The following DOCK10 variants were observed in gnomAD, a reference collection of about 807,000 sequenced individuals.
DOCK10 encodes the protein dedicator of cytokinesis 10, also known as dedicator of cytokinesis protein 10.
DOCK10 carries 145 observed loss-of-function variants against 280.1 expected under a neutral mutation model. The ratio of observed to expected loss-of-function variants is 0.52; its 90% CI spans 0.45 to 0.59. The LOEUF (loss-of-function observed/expected upper bound fraction) is 0.59, where lower values mean the gene tolerates loss of function less well. Ranked by LOEUF, DOCK10 falls within the 20% of genes least tolerant of loss-of-function variation. The pLI is 0.00. For synonymous variants in DOCK10, 915 were observed against 942.2 expected, an observed-to-expected ratio of 0.97 and a Z score of 0.53; for missense variants, 2,368 against 2,651.7, an observed-to-expected ratio of 0.89 and a Z score of 2.35.
chr2:225,042,460 T>C lies in DOCK10; in HGVS notation c.-86A>G. The C allele has an allele frequency of 8.2e-7, 1 of 1,217,022 alleles. No individual in the cohort carries two copies. Among genetic ancestry groups the C allele is most frequent in the Non-Finnish European group, 1.0e-6 (1 of 976,280 alleles). 75.4% of individuals were successfully genotyped at this position (1,217,022 alleles called of 1,614,324 possible). On this transcript the variant is annotated 5_prime_UTR_variant, in exon 1 of 56. Transcript: ENST00000258390. This position sits in a 1 kb window ranked among gnomAD's most constrained non-coding sequence, Gnocchi z 5.1. ...CCAACCTTCTCTATCCACCCGCCGT[T>C]CAGGAAGCGGAACTCGGAGCCTTCC...
At position 224,804,664 on chromosome 2, in the gene DOCK10, G is replaced by A. The variant is rs966032444; in HGVS notation, c.4166+130C>T. ...TCAAACTTACTGTGTCTAATGTGAC[G>A]TCAACCTAACAATCCTTATTTGCAT... On this transcript the variant is annotated intron_variant, in intron 38 of 55. Coordinates refer to ENST00000258390, the MANE Select transcript of DOCK10 (RefSeq NM_014689.3). 2.3e-5 allele frequency: 15 copies of A among 653,428 alleles called. No individual in the cohort carries two copies. In the Middle Eastern group the frequency reaches 7.6e-4, roughly 33 times the overall value. The allele number at this position is 653,428 out of a possible 1,614,324, so 40.5% of individuals were successfully genotyped here.
intron 11 of DOCK10, among the ~76,000 whole-genome samples, chr2:224,865,580 C>T (rs149517491): frequency 7.2e-5 from 11 of 152,124 alleles, no homozygotes; most frequent in Admixed American, 5.2e-4. Flanking sequence ...ACATTAGTGT[C>T]GCAGATACAT....
At chr2:225,004,684 G>A (rs891663529) in intron 1 of DOCK10, among the ~76,000 whole-genome samples, 2 of 152,168 alleles carry the variant, frequency 1.3e-5, no homozygotes, top group Admixed American at 6.5e-5. Flanking sequence ...GCCACATGTC[G>A]GCTTAATAAT....
chr2:225,035,542 TTATATATATATATATATATATATATA>T (rs57424275), intron 1 of DOCK10, among the ~76,000 whole-genome samples: 9 of 50,016 alleles, frequency 1.8e-4, no homozygotes, highest in Middle Eastern at 0.012. Context: ...ATGATATATA[TTATATATATATATATATATATATATA>T]TATATATATA....
chr2:224,978,399 C>T (rs1705557687), intron 1 of DOCK10, among the ~76,000 whole-genome samples: 1 of 152,050 alleles, frequency 6.6e-6, no homozygotes. Flanking sequence ...CACCAACACA[C>T]TCCAGCCTGG....
chr2:224,921,112 A>AAAAAAAAATATATATATATATATAT, intron 2 of DOCK10, among the ~76,000 whole-genome samples: 12 of 54,388 alleles, frequency 2.2e-4, no homozygotes, highest in Non-Finnish European at 3.0e-4. Context: ...AAAAAAAAAA[A>AAAAAAAAATATATATATATATATAT]ATATATATAT....
intron 1 of DOCK10, among the ~76,000 whole-genome samples, chr2:224,960,156 T>C (rs1704279912): frequency 6.6e-6 from 1 of 152,210 alleles, no homozygotes; most frequent in Non-Finnish European, 1.5e-5. Flanking sequence ...GTGTCTTGAA[T>C]GCTGCACATT....
chr2:224,915,882 A>G (rs1575051001), intron 3 of DOCK10, among the ~76,000 whole-genome samples: 2 of 152,356 alleles, frequency 1.3e-5, no homozygotes, highest in African/African-American at 4.8e-5. Flanking sequence ...CCTCTTATAC[A>G]CCAATAAAAT....
chr2:225,019,974 C>CTA (rs1178939926), intron 1 of DOCK10, among the ~76,000 whole-genome samples: 4 of 152,164 alleles, frequency 2.6e-5, no homozygotes, highest in Non-Finnish European at 5.9e-5. Flanking sequence ...TATTTGTGAT[C>CTA]TATATGTTGT....
chr2:224,861,274 G>A (rs1265831064), intron 14 of DOCK10: 3 of 152,132 alleles, frequency 2.0e-5, no homozygotes, highest in South Asian at 2.1e-4. Context: ...TCTATTTTAC[G>A]CCAAATGCTT....
At chr2:224,882,025 G>A (rs1228342194) in intron 7 of DOCK10, among the ~76,000 whole-genome samples, 2 of 152,164 alleles carry the variant, frequency 1.3e-5, no homozygotes, top group Non-Finnish European at 2.9e-5. Flanking sequence ...ATATCCACAT[G>A]GTGGCAGACT....
At chr2:224,841,016 A>G (rs1695926180) in intron 23 of DOCK10, among the ~76,000 whole-genome samples, 1 of 152,220 alleles carries the variant, frequency 6.6e-6, no homozygotes, top group Admixed American at 6.5e-5. Context: ...GCACAGAAAG[A>G]CAAATACCGC....
chr2:224,952,554 T>C (rs966582637), intron 1 of DOCK10, among the ~76,000 whole-genome samples: 8 of 151,978 alleles, frequency 5.3e-5, no homozygotes, highest in Non-Finnish European at 8.8e-5. Flanking sequence ...AAAGTCAATA[T>C]ACTATGTGAA....
At chr2:224,950,730 A>C (rs1703683510) in intron 1 of DOCK10, among the ~76,000 whole-genome samples, 1 of 152,246 alleles carries the variant, frequency 6.6e-6, no homozygotes, top group Non-Finnish European at 1.5e-5. Context: ...GAACTTAAGA[A>C]AAAGTTAGGA....
chr2:225,014,677 G>A (rs1050693423), intron 1 of DOCK10, among the ~76,000 whole-genome samples: 8 of 151,528 alleles, frequency 5.3e-5, no homozygotes, highest in Non-Finnish European at 7.4e-5. Context: ...TTATTTCTCC[G>A]CTTAGTTTTA....
At position 224,856,978 on chromosome 2, in the gene DOCK10, C is replaced by T; in HGVS notation, c.1690G>A (p.Val564Ile). ...RMPFAWAVRS[V>I]FKDNQGNVDR... ...ACATTTCCCTGGTTGTCCTTAAATACTGATCTAAAAGAAAATATTTATTCA... is the reference window on the plus strand; with the variant it reads ...ACATTTCCCTGGTTGTCCTTAAATATTGATCTAAAAGAAAATATTTATTCA... Residue 564 changes from valine to isoleucine, a missense_variant, in exon 15 of 56, where the codon GTA becomes ATA. Coordinates refer to ENST00000258390, the MANE Select transcript of DOCK10 (RefSeq NM_014689.3). The T allele has an allele frequency of 6.2e-7, 1 of 1,605,244 alleles. No individual in the cohort carries two copies. The highest frequency in any genetic ancestry group is 8.5e-7 in the Non-Finnish European group (1 of 1,175,824).
chr2:224,765,919 G>C, intron 55 of DOCK10, 82 bp from the exon 56 acceptor site: 1 of 1,030,790 alleles, frequency 9.7e-7, no homozygotes. Context: ...ACCCAGAATA[G>C]AGGTTTTCAT....
intron 1 of DOCK10, chr2:224,982,575 A>G (rs896847102): frequency 8.6e-7 from 1 of 1,169,448 alleles, no homozygotes; most frequent in Non-Finnish European, 1.1e-6. Context: ...GAACACACTC[A>G]GGAATATTAG....
chr2:224,824,582 G>A (rs777446030), intron 27 of DOCK10, among the ~76,000 whole-genome samples: 2 of 151,472 alleles, frequency 1.3e-5, no homozygotes, highest in Admixed American at 6.6e-5. Context: ...GACTACAGGC[G>A]CCCTCCTGTA....
Sources: allele counts gnomAD v4.1 joint callset (sites outside exome capture counted in the v4.1 genomes callset), GRCh38; gene constraint gnomAD v4.1.1; non-coding constraint Gnocchi (gnomAD v3.1); transcripts MANE v1.5; gene names NCBI Gene and HGNC (gene_info 2026-07-23, HGNC 2026-07-21).